The following WNK2 variants were observed in gnomAD, a reference collection of about 807,000 sequenced individuals.
The protein encoded by WNK2 is WNK lysine deficient protein kinase 2, also known as serine/threonine-protein kinase WNK2.
A neutral mutation model predicts 192.1 loss-of-function variants in WNK2; 67 were observed. That is an observed-to-expected ratio of 0.35 (90% CI 0.29 to 0.43). The LOEUF (loss-of-function observed/expected upper bound fraction) is 0.43, where lower values mean the gene tolerates loss of function less well. Ranked by LOEUF, WNK2 falls within the 20% of genes least tolerant of loss-of-function variation. WNK2 has a pLI of 1.00. For synonymous variants in WNK2, 1,439 were observed against 1,393.9 expected (o/e 1.03, Z -0.72); for missense variants, 2,698 against 3,089.7 (o/e 0.87, Z 3.01).
At chr9:93,203,590 G>T (rs1832868920) in intron 2 of WNK2, among the ~76,000 whole-genome samples, 1 of 152,158 alleles carries the variant, frequency 6.6e-6, no homozygotes, top group Non-Finnish European at 1.5e-5. Flanking sequence ...ACTGCACTCG[G>T]CAGAGGTGAC....
chr9:93,228,313 G>A (rs1302208844), intron 2 of WNK2, among the ~76,000 whole-genome samples: 1 of 152,180 alleles, frequency 6.6e-6, no homozygotes. Context: ...CCTGCCGCCT[G>A]CTTCTCCTCT....
At position 93,289,367 on chromosome 9, in the gene WNK2, C is replaced by A; in HGVS notation, c.4613C>A (p.Pro1538Gln). The part of the protein sequence containing the change: ...PSALESDGEG[P>Q]PPRVGFVDST... Reference sequence around the variant, plus strand: ...GCCCTGGAGTCGGATGGGGAAGGGCCGCCCCCCAGGGTGGGCTTTGTGGAC... The same window carrying A: ...GCCCTGGAGTCGGATGGGGAAGGGCAGCCCCCCAGGGTGGGCTTTGTGGAC... Residue 1538 changes from proline to glutamine, a missense_variant, in exon 20 of 30, where the codon CCG becomes CAG. Physicochemically the swap from Pro to Gln is moderately conservative, Grantham distance 76 (BLOSUM62 -1). This residue lies in a region of WNK2 where 1,098 missense variants were observed against 1,101.0 expected (regional missense o/e 1.00). Coordinates refer to ENST00000427277, the MANE Select transcript of WNK2 (RefSeq NM_006648.4). 1 of 1,611,658 alleles carries A rather than the reference C, an allele frequency of 6.2e-7. No individual in the cohort carries two copies. Among genetic ancestry groups the A allele is most frequent in the Non-Finnish European group, 8.5e-7 (1 of 1,179,240 alleles).
intron 7 of WNK2, among the ~76,000 whole-genome samples, chr9:93,243,372 A>AT (rs1841109577): frequency 2.6e-5 from 4 of 152,094 alleles, no homozygotes; most frequent in African/African-American, 9.7e-5. Context: ...GCCCATCACC[A>AT]CACAAGTCCC....
rs1848994901 is a variant in WNK2, at chr9:93,289,610, C to T, written c.4856C>T (p.Pro1619Leu). 24 of 1,477,602 alleles carry T rather than the reference C, an allele frequency of 1.6e-5. No homozygotes were observed. Among genetic ancestry groups the T allele is most frequent in the Admixed American group, 2.4e-5 (1 of 42,334 alleles). 91.5% of individuals were successfully genotyped at this position (1,477,602 alleles called of 1,614,324 possible). A position where few individuals can be genotyped will look rare whatever the true frequency, so the allele number is the denominator to read the frequency against. ...GCGGTCTCAGGGCGTGTCCAGCTGC[C>T]CCAGCCCTTGGTGAGTAGCTGCCTT... ...KEAVSGRVQL[P>L]QPLVEKSELA... Residue 1619 changes from proline to leucine, a missense_variant, in exon 20 of 30, where the codon CCC becomes CTC. This residue lies in a region of WNK2 where 1,098 missense variants were observed against 1,101.0 expected (regional missense o/e 1.00). Transcript: ENST00000427277.
At chr9:93,306,944 G>C in intron 27 of WNK2, 123 bp downstream of exon 27, 1 of 1,220,224 alleles carries the variant, frequency 8.2e-7, no homozygotes, top group South Asian at 1.2e-5. Flanking sequence ...CCCCGCGCCT[G>C]CTCCATGCCT....
At position 93,259,184 on chromosome 9, in the gene WNK2, A is replaced by G; in HGVS notation, c.2636A>G (p.Asn879Ser). Residue 879 changes from asparagine (N) to serine (S), a missense_variant, in exon 12 of 30, where the codon AAT (asparagine) becomes AGT (serine). Transcript: ENST00000427277. The surrounding 1 kb of genome is among the most constrained non-coding windows in gnomAD (Gnocchi z 4.8). ...LAMPCRTIVPNAPATIPLLAV... is the reference protein window; with the variant it reads ...LAMPCRTIVPSAPATIPLLAV... The stretch of plus-strand genomic sequence containing the variant: ...ATGCCCTGCCGGACCATTGTGCCAA[A>G]TGCACCGGCCACTATCCCCCTGCTG... The G allele has an allele frequency of 6.2e-7, 1 of 1,612,448 alleles. No homozygotes were observed. The highest frequency in any genetic ancestry group is 8.5e-7 in the Non-Finnish European group (1 of 1,179,638).
At chr9:93,211,787 A>T (rs1834814257) in intron 2 of WNK2, among the ~76,000 whole-genome samples, 1 of 151,080 alleles carries the variant, frequency 6.6e-6, no homozygotes, top group Admixed American at 6.6e-5. Context: ...ATTCACTCTC[A>T]TCCACTCAGT....
At chr9:93,231,161 C>A in intron 4 of WNK2, 53 bp downstream of exon 4, 1 of 1,546,796 alleles carries the variant, frequency 6.5e-7, no homozygotes, top group Non-Finnish European at 8.9e-7. Context: ...AGCTGGGCAG[C>A]AGTGAGTGCT....
chr9:93,298,313 A>C (rs1214633805), intron 24 of WNK2, among the ~76,000 whole-genome samples: 2 of 152,224 alleles, frequency 1.3e-5, no homozygotes, highest in African/African-American at 4.8e-5. Flanking sequence ...GTTGGGCCTG[A>C]GACTCTAGGC....
rs952259536 is a variant in WNK2 at position 93,317,513 on chromosome 9, T to G, written c.6517-7T>G. The G allele has an allele frequency of 1.9e-6, 3 of 1,613,532 alleles. No homozygotes were observed. On this transcript the variant is annotated splice_polypyrimidine_tract_variant and splice_region_variant and intron_variant, in intron 28 of 29. Coordinates refer to ENST00000427277, the MANE Select transcript of WNK2 (RefSeq NM_006648.4). ...TACCTTCCTCTTCTCGTCTCTGTGTTTTGTAGATGACCGCACCTCGAGCAG... is the reference window on the plus strand; with the variant it reads ...TACCTTCCTCTTCTCGTCTCTGTGTGTTGTAGATGACCGCACCTCGAGCAG...
Position 93,292,479 on chromosome 9 carries a change from T to C in WNK2, c.5026-12T>C. 6.2e-7 allele frequency: 1 copy of C among 1,607,562 alleles called. No homozygotes were observed. Among genetic ancestry groups the C allele is most frequent in the South Asian group, 1.1e-5 (1 of 90,498 alleles). ...TCACATGAAACCTCTTCATCTCCGCTTGTTTCCCAAGGATGTACCTGCTTT... is the reference window on the plus strand; with the variant it reads ...TCACATGAAACCTCTTCATCTCCGCCTGTTTCCCAAGGATGTACCTGCTTT... On this transcript the variant is annotated splice_polypyrimidine_tract_variant and intron_variant, in intron 22 of 29. Coordinates refer to ENST00000427277, the MANE Select transcript of WNK2 (RefSeq NM_006648.4).
At chr9:93,235,117 C>T (rs922710074) in intron 5 of WNK2, among the ~76,000 whole-genome samples, 152 bp downstream of exon 5, 1 of 152,156 alleles carries the variant, frequency 6.6e-6, no homozygotes, top group African/African-American at 2.4e-5. Context: ...GGAGATTGGC[C>T]ATTTTACAGA....
intron 26 of WNK2, among the ~76,000 whole-genome samples, chr9:93,305,704 C>T (rs1852396259): frequency 6.6e-6 from 1 of 152,234 alleles, no homozygotes. Context: ...ATGAGCCCTT[C>T]TGGAGAAGGA....
At chr9:93,225,037 T>G (rs1837571978) in intron 2 of WNK2, among the ~76,000 whole-genome samples, 1 of 152,050 alleles carries the variant, frequency 6.6e-6, no homozygotes, top group South Asian at 2.1e-4. Context: ...ACAGGCTCTG[T>G]GGGGGCAGCA....
chr9:93,311,442 G>A (rs914827121), intron 28 of WNK2, among the ~76,000 whole-genome samples: 1 of 152,216 alleles, frequency 6.6e-6, no homozygotes, highest in Middle Eastern at 3.4e-3. Flanking sequence ...ATCCTTTTGG[G>A]TATAAACCCA....
chr9:93,234,991 A>C, intron 5 of WNK2, 26 bp downstream of exon 5: 1 of 1,613,360 alleles, frequency 6.2e-7, no homozygotes, highest in Non-Finnish European at 8.5e-7. Flanking sequence ...CCCTTGGTTA[A>C]TTAATAAGGA....
At chr9:93,198,642 C>T (rs556390313) in intron 2 of WNK2, among the ~76,000 whole-genome samples, 1 of 152,318 alleles carries the variant, frequency 6.6e-6, no homozygotes, top group Admixed American at 6.5e-5. Flanking sequence ...TCCACAGCCT[C>T]CATCCTCTGA....
At position 93,263,652 on chromosome 9, in the gene WNK2, C is replaced by T. The variant is rs1844652893; in HGVS notation, c.3497C>T (p.Ala1166Val). The change falls in exon 15 of 30, where the codon GCA (alanine) becomes GTA (valine). Residue 1166 changes from alanine to valine, a missense_variant. Coordinates refer to ENST00000427277, the MANE Select transcript of WNK2 (RefSeq NM_006648.4). Reference sequence around the variant, plus strand: ...GGAGGGGGCAGGCTGGAGGGCAGGGCAGCCCGAAAACACCACCGCAGGTCC... The same window carrying T: ...GGAGGGGGCAGGCTGGAGGGCAGGGTAGCCCGAAAACACCACCGCAGGTCC... Reference protein sequence around the residue: ...AFGGGRLEGRAARKHHRRSTR... With the variant: ...AFGGGRLEGRVARKHHRRSTR... 5 of 1,601,174 alleles carry T rather than the reference C, an allele frequency of 3.1e-6. No individual in the cohort carries two copies. In the African/African-American group the frequency reaches 5.4e-5, roughly 17 times the overall value.
chr9:93,188,617 C>T (rs1275821419), intron 2 of WNK2, among the ~76,000 whole-genome samples: 1 of 152,226 alleles, frequency 6.6e-6, no homozygotes, highest in African/African-American at 2.4e-5. Context: ...CACCGCCTTC[C>T]TCCTTGCCCA....
Sources: gnomAD v4.1 joint callset for allele counts (sites outside exome capture counted in the v4.1 genomes callset) on GRCh38, gnomAD v4.1.1 for gene constraint, gnomAD v4.1.1 regional missense constraint, Gnocchi (gnomAD v3.1) non-coding constraint, MANE v1.5 for transcripts, NCBI Gene and HGNC (gene_info 2026-07-23, HGNC 2026-07-21) for gene names.